HOXB9: variants seen among roughly 807,000 people sequenced by gnomAD.
The protein encoded by HOXB9 is homeobox protein Hox-B9.
A neutral mutation model predicts 21.5 loss-of-function variants in HOXB9; 10 were observed. That is an observed-to-expected ratio of 0.47 (90% CI 0.29 to 0.79). The LOEUF is 0.79. Among genes scored for constraint, HOXB9 ranks in the 30% least tolerant of loss-of-function variants. The pLI, the probability that HOXB9 is intolerant of heterozygous loss-of-function variation, is 0.10. For synonymous variants in HOXB9, 156 were observed against 151.2 expected, an observed-to-expected ratio of 1.03 and a Z score of -0.23; for missense variants, 375 against 338.7, an observed-to-expected ratio of 1.11 and a Z score of -0.84.
chr17:48,624,025 T>C (rs2070792061), intron 1 of HOXB9, among the ~76,000 whole-genome samples: 1 of 152,118 alleles, frequency 6.6e-6, no homozygotes, highest in South Asian at 2.1e-4. Context: ...CTAGCCTTAA[T>C]TGATCCTATG....
chr17:48,623,712 T>TC (rs1341825018), intron 1 of HOXB9, among the ~76,000 whole-genome samples: 8 of 151,364 alleles, frequency 5.3e-5, no homozygotes, highest in South Asian at 4.2e-4. Context: ...CGTAGAAATC[T>TC]CCCCCCCTGC....
At position 48,625,871 on chromosome 17, in the gene HOXB9, C is replaced by T. The variant is rs752866688; in HGVS notation, c.399G>A (p.Thr133=). 5.0e-6 allele frequency: 8 copies of T among 1,608,962 alleles called. No homozygotes were observed. Among genetic ancestry groups the T allele is most frequent in the African/African-American group, 4.0e-5 (3 of 74,258 alleles). Residue 133 remains threonine, a synonymous_variant, in exon 1 of 2, where the codon ACG becomes ACA. Transcript: ENST00000311177. ...CCGAAGTTTCCAAACTGTACTCGGG[C>T]GTGCCCTGTTTGAGCAGCTCCCCAG... ...GAPGELLKQG[T]PEYSLETSAG...
At chr17:48,623,241 G>A (rs754215387) in intron 1 of HOXB9, 106 bp from the exon 2 acceptor site, 3 of 824,418 alleles carry the variant, frequency 3.6e-6, no homozygotes, top group East Asian at 2.5e-5. Context: ...CTGGAGAAGA[G>A]GCCACCTGGG....
Position 48,622,597 on chromosome 17 carries a change from T to G in HOXB9, c.*303A>C. 6.7e-6 allele frequency: 2 copies of G among 297,230 alleles called. No individual in the cohort carries two copies. Among genetic ancestry groups the G allele is most frequent in the South Asian group, 4.5e-5 (1 of 22,366 alleles). The allele number at this position is 297,230 out of a possible 1,614,324, so 18.4% of individuals were successfully genotyped here. A position where few individuals can be genotyped will look rare whatever the true frequency, so the allele number is the denominator to read the frequency against. ...GAGGGGCTAGGACTTCCCAGAAAAATTACAGGGCATACTAGGAGCTTGACT... is the reference window on the plus strand; with the variant it reads ...GAGGGGCTAGGACTTCCCAGAAAAAGTACAGGGCATACTAGGAGCTTGACT... On this transcript the variant is annotated 3_prime_UTR_variant, in exon 2 of 2. Coordinates refer to ENST00000311177, the MANE Select transcript of HOXB9 (RefSeq NM_024017.5).
chr17:48,625,396 G>A (rs1193889280), intron 1 of HOXB9, among the ~76,000 whole-genome samples: 4 of 152,102 alleles, frequency 2.6e-5, no homozygotes, highest in African/African-American at 4.8e-5. Context: ...CGCTGGCCCC[G>A]GCCCCCGCCA....
In HOXB9 at chr17:48,621,664, TGGGTCGAGAAGCCGAC is replaced by T. The variant is rs2070771422; in HGVS notation, c.*1220_*1235del. ...CCGCCAAGCCCGGGGCTTCTCTGCGTGGGTCGAGAAGCCGACGGGATTCGGAGGAACGCGCAGAGCG... is the reference window on the plus strand; with the variant it reads ...CCGCCAAGCCCGGGGCTTCTCTGCGTGGGATTCGGAGGAACGCGCAGAGCG... On this transcript the variant is annotated 3_prime_UTR_variant, in exon 2 of 2. Coordinates refer to ENST00000311177, the MANE Select transcript of HOXB9 (RefSeq NM_024017.5). 6.6e-6 allele frequency: 1 copy of T among 152,244 alleles called. No homozygotes were observed. 9.4% of individuals were successfully genotyped at this position (152,244 alleles called of 1,614,324 possible). A position where few individuals can be genotyped will look rare whatever the true frequency, so the allele number is the denominator to read the frequency against.
At position 48,626,297 on chromosome 17, in the gene HOXB9, G is replaced by A. The variant is rs1275516448; in HGVS notation, c.-28C>T. On this transcript the variant is annotated 5_prime_UTR_variant, in exon 1 of 2. Coordinates refer to ENST00000311177, the MANE Select transcript of HOXB9 (RefSeq NM_024017.5). ...TCAGACATTATCCGGGCGCTTGCAG[G>A]GGGAAGGGAAGCGCTCGCGCGGCGG... 1.3e-6 allele frequency: 2 copies of A among 1,560,068 alleles called. No homozygotes were observed. Among genetic ancestry groups the A allele is most frequent in the East Asian group, 4.5e-5 (2 of 44,138 alleles).
At chr17:48,624,470 T>A (rs1476253744) in intron 1 of HOXB9, among the ~76,000 whole-genome samples, 1 of 152,080 alleles carries the variant, frequency 6.6e-6, no homozygotes. Flanking sequence ...TGGGGAAGAA[T>A]GTGTTCCCTA....
In HOXB9 at chr17:48,622,841, CA is replaced by C; in HGVS notation, c.*58del. The C allele has an allele frequency of 7.6e-7, 1 of 1,308,518 alleles. No homozygotes were observed. The highest frequency in any genetic ancestry group is 1.1e-6 in the Non-Finnish European group (1 of 913,826). The allele number at this position is 1,308,518 out of a possible 1,614,324, so 81.1% of individuals were successfully genotyped here. On this transcript the variant is annotated 3_prime_UTR_variant, in exon 2 of 2. Coordinates refer to ENST00000311177, the MANE Select transcript of HOXB9 (RefSeq NM_024017.5). ...CAGACAGCACTGGCTTTGCAGTCGT[CA>C]CATAACTAAGAGTGAGATGGGGAAG...
chr17:48,624,114 C>T (rs1260232286), intron 1 of HOXB9, among the ~76,000 whole-genome samples: 1 of 152,164 alleles, frequency 6.6e-6, no homozygotes, highest in Non-Finnish European at 1.5e-5. Flanking sequence ...TTCTTACCTT[C>T]TCTCCCCCTA....
intron 1 of HOXB9, 88 bp downstream of exon 1, chr17:48,625,665 T>C: frequency 7.1e-7 from 1 of 1,403,538 alleles, no homozygotes; most frequent in Non-Finnish European, 9.4e-7. Context: ...GCAGTTTCCC[T>C]TCACATTGTC....
chr17:48,623,846 G>T (rs2070790796), intron 1 of HOXB9, among the ~76,000 whole-genome samples: 1 of 152,174 alleles, frequency 6.6e-6, no homozygotes, highest in African/African-American at 2.4e-5. Context: ...GGAGCACTGG[G>T]GGCTCACAGA....
At position 48,622,921 on chromosome 17, in the gene HOXB9, A is replaced by G. The variant is rs537706223; in HGVS notation, c.732T>C (p.Asn244=). The change falls in exon 2 of 2, where the codon AAT becomes AAC. Residue 244 remains asparagine, a synonymous_variant. Coordinates refer to ENST00000311177, the MANE Select transcript of HOXB9 (RefSeq NM_024017.5). ...QNRRMKMKKM[N]KEQGKE ...ATCTTTACTCTTTGCCCTGCTCCTTATTCATTTTCTTCATTTTCATCCGCC... is the reference window on the plus strand; with the variant it reads ...ATCTTTACTCTTTGCCCTGCTCCTTGTTCATTTTCTTCATTTTCATCCGCC... 6.2e-7 allele frequency: 1 copy of G among 1,613,400 alleles called. No individual in the cohort carries two copies. Among genetic ancestry groups the G allele is most frequent in the Non-Finnish European group, 8.5e-7 (1 of 1,179,456 alleles).
chr17:48,623,791 C>T (rs1170402748), intron 1 of HOXB9, among the ~76,000 whole-genome samples: 6 of 152,314 alleles, frequency 3.9e-5, no homozygotes, highest in South Asian at 4.1e-4. Flanking sequence ...CCAATTCACA[C>T]GCAATGCAAT....
In HOXB9 at chr17:48,621,265, C is replaced by T. The variant is rs924263563; in HGVS notation, c.*1635G>A. On this transcript the variant is annotated 3_prime_UTR_variant, in exon 2 of 2. Coordinates refer to ENST00000311177, the MANE Select transcript of HOXB9 (RefSeq NM_024017.5). The stretch of plus-strand genomic sequence containing the variant: ...CTCCCCACTCCCACCCAGAACCCTC[C>T]CATATAATCGACAACTGAAAACAAG... 1 of 152,518 alleles carries T rather than the reference C, an allele frequency of 6.6e-6. No homozygotes were observed. Among genetic ancestry groups the T allele is most frequent in the African/African-American group, 2.4e-5 (1 of 41,338 alleles). 9.4% of individuals were successfully genotyped at this position (152,518 alleles called of 1,614,324 possible). A position where few individuals can be genotyped will look rare whatever the true frequency, so the allele number is the denominator to read the frequency against.
At position 48,623,122 on chromosome 17, in the gene HOXB9, G is replaced by A; in HGVS notation, c.531C>T (p.Ala177=). 1.2e-6 allele frequency: 2 copies of A among 1,613,354 alleles called. No individual in the cohort carries two copies. Among genetic ancestry groups the A allele is most frequent in the Non-Finnish European group, 1.7e-6 (2 of 1,179,750 alleles). Residue 177 remains alanine, a synonymous_variant, in exon 2 of 2, where the codon GCC becomes GCT. Transcript: ENST00000311177. ...KERPDQTNPS[A]NWLHARSSRK... ...GGGAAGAGCGAGCGTGCAGCCAGTT[G>A]GCGGAGGGGTTGGCTGAAAGAGAAG...
At position 48,625,761 on chromosome 17, in the gene HOXB9, G is replaced by T. The variant is rs1187551731; in HGVS notation, c.509C>A (p.Pro170Gln). The T allele has an allele frequency of 6.3e-7, 1 of 1,583,188 alleles. No homozygotes were observed. Residue 170 changes from proline to glutamine, a missense_variant, in exon 1 of 2, where the codon CCG becomes CAG. Coordinates refer to ENST00000311177, the MANE Select transcript of HOXB9 (RefSeq NM_024017.5). ...ICEGSEDKER[P>Q]DQTNPSANWL... ...CACTTTTTATAACTTACTTTGATCC[G>T]GCCTCTCTTTGTCCTCGCTTCCTTC...
intron 1 of HOXB9, 117 bp downstream of exon 1, chr17:48,625,636 C>T: frequency 7.8e-7 from 1 of 1,281,278 alleles, no homozygotes; most frequent in East Asian, 2.6e-5. Context: ...TCCTCCCGGC[C>T]CGCTCTCCGG....
Position 48,625,999 on chromosome 17 carries a change from C to T in HOXB9, c.271G>A (p.Glu91Lys). The change falls in exon 1 of 2, where the codon GAG becomes AAG. Residue 91 changes from glutamate to lysine, a missense_variant. By Grantham distance (56) the Glu-to-Lys change is moderately conservative. Coordinates refer to ENST00000311177, the MANE Select transcript of HOXB9 (RefSeq NM_024017.5). ...AGCCAGGTGCGGAGGTACCTGCTCT[C>T]GGCCGGCGGGACGCCCTGGGGCTGG... is the stretch of plus-strand genomic sequence containing the variant. The part of the protein sequence containing the change: ...YIQPQGVPPA[E>K]SRYLRTWLEP... The T allele has an allele frequency of 6.4e-7, 1 of 1,559,568 alleles. No homozygotes were observed. The highest frequency in any genetic ancestry group is 8.6e-7 in the Non-Finnish European group (1 of 1,159,154).
Sources: gnomAD v4.1 joint callset for allele counts (sites outside exome capture counted in the v4.1 genomes callset) on GRCh38, gnomAD v4.1.1 for gene constraint, MANE v1.5 for transcripts, NCBI Gene and HGNC (gene_info 2026-07-23, HGNC 2026-07-21) for gene names.